Variants in KCTD20 observed in about 807,000 individuals in gnomAD.
KCTD20 encodes potassium channel tetramerization domain containing 20.
In KCTD20, 30 loss-of-function variants were observed where a neutral mutation model predicts 39.6. That is an observed-to-expected ratio of 0.76 (90% confidence interval 0.57 to 1.03). The LOEUF (loss-of-function observed/expected upper bound fraction) is 1.03. Ranked by LOEUF, KCTD20 falls within the 50% of genes least tolerant of loss-of-function variation. The probability of loss-of-function intolerance (pLI) is 0.00; values close to 1 mark genes in which losing one functional copy is unlikely to be tolerated. For missense variants in KCTD20, 422 were observed against 522.0 expected (o/e 0.81, Z 1.87); for synonymous variants, 162 against 180.6 (o/e 0.90, Z 0.83).
At chr6:36,468,926 G>T (rs1775836112) in intron 1 of KCTD20, among the ~76,000 whole-genome samples, 2 of 151,968 alleles carry the variant, frequency 1.3e-5, no homozygotes, top group South Asian at 4.2e-4. Context: ...GTGAAAACTT[G>T]GATCAGGGCA....
intron 1 of KCTD20, among the ~76,000 whole-genome samples, chr6:36,455,286 T>C (rs1229829738): frequency 6.6e-6 from 1 of 152,120 alleles, no homozygotes; most frequent in Non-Finnish European, 1.5e-5. Context: ...CAGGTGTCTG[T>C]AGTCCCAGCC....
At chr6:36,463,823 T>C (rs1391232673) in intron 1 of KCTD20, among the ~76,000 whole-genome samples, 1 of 152,186 alleles carries the variant, frequency 6.6e-6, no homozygotes, top group Non-Finnish European at 1.5e-5. Context: ...GCATTTTGTT[T>C]ATAGCAGCAC....
intron 1 of KCTD20, among the ~76,000 whole-genome samples, chr6:36,452,171 TA>T (rs201157263): frequency 0.055 from 8,449 of 152,254 alleles, 319 homozygotes; most frequent in South Asian, 0.13. Context: ...ATCTTTGCCA[TA>T]ATGTATTATC....
chr6:36,456,891 C>CT (rs1775453531), intron 1 of KCTD20, among the ~76,000 whole-genome samples: 1 of 152,064 alleles, frequency 6.6e-6, no homozygotes. Flanking sequence ...TAGTCTCATG[C>CT]AATCCTCCTC....
At chr6:36,447,913 C>T (rs924292549) in intron 1 of KCTD20, among the ~76,000 whole-genome samples, 6 of 151,078 alleles carry the variant, frequency 4.0e-5, no homozygotes, top group African/African-American at 1.5e-4. Context: ...ATCGATTGAA[C>T]CCAGAAGGTG....
chr6:36,448,013 GTGTATATATA>G (rs1487007864), intron 1 of KCTD20, among the ~76,000 whole-genome samples: 4 of 128,952 alleles, frequency 3.1e-5, no homozygotes, highest in African/African-American at 6.5e-5. Context: ...GTATGTGTGT[GTGTATATATA>G]TATATATATA....
chr6:36,445,052 A>C (rs1774996516), intron 1 of KCTD20, among the ~76,000 whole-genome samples: 1 of 152,164 alleles, frequency 6.6e-6, no homozygotes, highest in South Asian at 2.1e-4. Context: ...ACCTGAGGTC[A>C]GGAGTTTCAG....
chr6:36,487,066 A>T lies in KCTD20; in HGVS notation c.1151A>T (p.Asp384Val), dbSNP rs138487026. 6.2e-7 allele frequency: 1 copy of T among 1,614,208 alleles called. No homozygotes were observed. The highest frequency in any genetic ancestry group is 2.2e-5 in the East Asian group (1 of 44,886). Residue 384 changes from aspartate to valine, a missense_variant, in exon 8 of 8, where the codon GAT becomes GTT. By Grantham distance (152) the Asp-to-Val change is radical. Transcript: ENST00000373731. ...ACGAATCTGGTAGCTGCTGGAGATG[A>T]TGTCTTGGAGGACCAGGAGATATTA... The part of the protein sequence containing the change: ...SLTNLVAAGD[D>V]VLEDQEILMH...
chr6:36,466,374 C>A (rs961768671), intron 1 of KCTD20, among the ~76,000 whole-genome samples: 3 of 141,148 alleles, frequency 2.1e-5, no homozygotes, highest in African/African-American at 8.1e-5. Flanking sequence ...TGTTTTGCTG[C>A]TTTTTTTCTC....
chr6:36,488,220 A>G lies in KCTD20; in HGVS notation c.*1045A>G, dbSNP rs1776483325. On this transcript the variant is annotated 3_prime_UTR_variant, in exon 8 of 8. Transcript: ENST00000373731. Reference sequence around the variant, plus strand: ...TGTTTTCATACCATGGGATTTTTGGATATCAGTGTATTTTGGTTCTTGAAA... The same window carrying G: ...TGTTTTCATACCATGGGATTTTTGGGTATCAGTGTATTTTGGTTCTTGAAA... The G allele has an allele frequency of 6.6e-6, 1 of 152,114 alleles. No individual in the cohort carries two copies. The highest frequency in any genetic ancestry group is 2.4e-5 in the African/African-American group (1 of 41,414). 9.4% of individuals were successfully genotyped at this position (152,114 alleles called of 1,614,324 possible).
intron 1 of KCTD20, among the ~76,000 whole-genome samples, chr6:36,457,574 C>T (rs147755094): frequency 7.2e-4 from 109 of 152,122 alleles, no homozygotes; most frequent in Non-Finnish European, 1.3e-3. Flanking sequence ...ATTAGCTGGG[C>T]ATGGTTGTGC....
chr6:36,468,195 G>A (rs943042651), intron 1 of KCTD20, among the ~76,000 whole-genome samples: 1 of 152,080 alleles, frequency 6.6e-6, no homozygotes, highest in African/African-American at 2.4e-5. Context: ...TTTTCCCTCC[G>A]TGGTGATACC....
At chr6:36,475,843 T>C (rs1212509476) in intron 3 of KCTD20, among the ~76,000 whole-genome samples, 3 of 152,194 alleles carry the variant, frequency 2.0e-5, no homozygotes, top group Non-Finnish European at 4.4e-5. Flanking sequence ...CTATTGCAAG[T>C]TTTATGCTTG....
At chr6:36,452,641 G>A (rs1366148363) in intron 1 of KCTD20, 6 of 150,548 alleles carry the variant, frequency 4.0e-5, no homozygotes, top group Non-Finnish European at 7.4e-5. Flanking sequence ...TTCCCGAAGC[G>A]ATTCTACTGC....
At chr6:36,474,674 C>A in intron 2 of KCTD20, 115 bp from the exon 3 acceptor site, 2 of 932,566 alleles carry the variant, frequency 2.1e-6, no homozygotes, top group Non-Finnish European at 3.1e-6. Context: ...TGCCTGTGAA[C>A]ATCTAAAATT....
chr6:36,474,664 TGCCTGTGAACATCTAAAATTTGGGGG>T, intron 2 of KCTD20, 99 bp from the exon 3 acceptor site: 1 of 807,022 alleles, frequency 1.2e-6, no homozygotes, highest in Non-Finnish European at 1.9e-6. Context: ...GGTTTTTTTT[TGCCTGTGAACATCTAAAATTTGGGGG>T]TTTTTTGTTT....
chr6:36,486,830 C>A, intron 7 of KCTD20, 53 bp from the exon 8 acceptor site: 2 of 1,419,946 alleles, frequency 1.4e-6, no homozygotes, highest in South Asian at 1.3e-5. Context: ...AAAGTATGGA[C>A]ACCAGAGTGA....
At chr6:36,447,591 C>G (rs1233879880) in intron 1 of KCTD20, among the ~76,000 whole-genome samples, 13 of 151,698 alleles carry the variant, frequency 8.6e-5, no homozygotes, top group Admixed American at 8.6e-4. Flanking sequence ...GATCGCACCA[C>G]TGCACTCCAG....
At chr6:36,452,835 C>CTTATT (rs1775300973) in intron 1 of KCTD20, among the ~76,000 whole-genome samples, 2 of 151,766 alleles carry the variant, frequency 1.3e-5, no homozygotes, top group African/African-American at 4.8e-5. Flanking sequence ...CGCGCCCAGC[C>CTTATT]TTATTTTCTT....
Sources: gnomAD v4.1 joint callset for allele counts (sites outside exome capture counted in the v4.1 genomes callset) on GRCh38, gnomAD v4.1.1 for gene constraint, MANE v1.5 for transcripts, NCBI Gene and HGNC (gene_info 2026-07-23, HGNC 2026-07-21) for gene names.